CACHD1: variants seen among roughly 807,000 people sequenced by gnomAD.
The protein encoded by CACHD1 is cache domain containing 1.
CACHD1 carries 71 observed loss-of-function variants against 138.7 expected under a neutral mutation model. The ratio of observed to expected loss-of-function variants is 0.51; its 90% confidence interval spans 0.42 to 0.62. The LOEUF is 0.62. Among genes scored for constraint, CACHD1 ranks in the 20% least tolerant of loss-of-function variants. The pLI is 0.00. For synonymous variants in CACHD1, 578 were observed against 591.5 expected (o/e 0.98, Z 0.33); for missense variants, 1,389 against 1,625.3 (o/e 0.85, Z 2.50).
chr1:64,675,339 C>T, intron 19 of CACHD1, 62 bp from the exon 20 acceptor site: 1 of 1,333,878 alleles, frequency 7.5e-7, no homozygotes. Flanking sequence ...TTGTTTTCAC[C>T]AAGGTAGGGC....
At chr1:64,519,366 C>G (rs1389546255) in intron 1 of CACHD1, among the ~76,000 whole-genome samples, 1 of 152,120 alleles carries the variant, frequency 6.6e-6, no homozygotes, top group Non-Finnish European at 1.5e-5. Flanking sequence ...AGAGGCACAA[C>G]AGATACCATA....
At chr1:64,642,459 T>G (rs1648750261) in intron 8 of CACHD1, among the ~76,000 whole-genome samples, 1 of 152,194 alleles carries the variant, frequency 6.6e-6, no homozygotes, top group African/African-American at 2.4e-5. Context: ...AAGCATTATC[T>G]ACCTTGCAGT....
chr1:64,612,188 A>G lies in CACHD1; in HGVS notation c.517+9276A>G, dbSNP rs1647557461. Among the ~76,000 whole-genome samples, 3 of 152,250 alleles carry G rather than the reference A, an allele frequency of 2.0e-5. No homozygotes were observed. The South Asian group carries it at 6.2e-4, about 32-fold the overall frequency. ...TTCAAGATGAGGTTTGGGTGGGGAC[A>G]CAGAGCCAAAACCTATCATGAACCA... is the stretch of plus-strand genomic sequence containing the variant. On this transcript the variant is annotated intron_variant, in intron 4 of 26. Transcript: ENST00000651257.
intron 2 of CACHD1, among the ~76,000 whole-genome samples, chr1:64,556,704 CAG>C (rs1646799834): frequency 6.6e-6 from 1 of 152,218 alleles, no homozygotes; most frequent in Admixed American, 6.5e-5. Flanking sequence ...AACTAACCTT[CAG>C]AGAGTGTGGG....
intron 8 of CACHD1, among the ~76,000 whole-genome samples, chr1:64,644,023 A>G (rs1438757582): frequency 6.6e-6 from 1 of 152,222 alleles, no homozygotes; most frequent in African/African-American, 2.4e-5. Flanking sequence ...TAAGGTGCTC[A>G]CATACTGTCC....
chr1:64,471,928 G>A (rs1646147912), intron 1 of CACHD1, among the ~76,000 whole-genome samples: 1 of 152,082 alleles, frequency 6.6e-6, no homozygotes, highest in Non-Finnish European at 1.5e-5. Context: ...GGCCATAAAG[G>A]CCCACTAGAT....
intron 17 of CACHD1, among the ~76,000 whole-genome samples, chr1:64,672,881 G>T (rs551734778): frequency 6.6e-6 from 1 of 152,002 alleles, no homozygotes; most frequent in Admixed American, 6.6e-5. Context: ...CATCTTACTC[G>T]GACTGGGTGA....
intron 9 of CACHD1, among the ~76,000 whole-genome samples, chr1:64,651,146 A>G (rs1031782789): frequency 6.6e-6 from 1 of 152,060 alleles, no homozygotes; most frequent in African/African-American, 2.4e-5. Flanking sequence ...TATTTTGAAA[A>G]GGTTATTTTT....
At chr1:64,604,678 A>G (rs541725581) in intron 4 of CACHD1, among the ~76,000 whole-genome samples, 1 of 152,226 alleles carries the variant, frequency 6.6e-6, no homozygotes, top group African/African-American at 2.4e-5. Context: ...TTTGAGATAG[A>G]GTCTTGCTAT....
chr1:64,664,310 T>A (rs1649553185), intron 14 of CACHD1, 188 bp from the exon 15 acceptor site: 1 of 605,416 alleles, frequency 1.7e-6, no homozygotes, highest in South Asian at 2.1e-5. Context: ...ATCACGCATC[T>A]GCTGACTGTA....
intron 1 of CACHD1, among the ~76,000 whole-genome samples, chr1:64,505,281 G>A (rs1032660480): frequency 6.6e-6 from 1 of 152,044 alleles, no homozygotes. Context: ...GGGAGCCCCT[G>A]TACTGGTACC....
chr1:64,502,284 T>A (rs909025894), intron 1 of CACHD1, among the ~76,000 whole-genome samples: 1 of 152,196 alleles, frequency 6.6e-6, no homozygotes, highest in African/African-American at 2.4e-5. Flanking sequence ...TAAAATTGAT[T>A]TGTTGTATTG....
intron 2 of CACHD1, among the ~76,000 whole-genome samples, chr1:64,579,048 G>A (rs989450532): frequency 3.3e-5 from 5 of 152,106 alleles, no homozygotes; most frequent in African/African-American, 1.2e-4. Context: ...AATTAGGGCC[G>A]CTGGCTTCTA....
intron 19 of CACHD1, among the ~76,000 whole-genome samples, chr1:64,674,076 A>G (rs1037683825): frequency 1.3e-3 from 72 of 53,616 alleles, no homozygotes; most frequent in African/African-American, 2.7e-3. Flanking sequence ...AGCTATTTAC[A>G]GGAAGTAGGT....
intron 1 of CACHD1, among the ~76,000 whole-genome samples, chr1:64,545,746 C>T (rs1423984402): frequency 6.6e-6 from 1 of 152,156 alleles, no homozygotes; most frequent in Non-Finnish European, 1.5e-5. Flanking sequence ...ATTGCTGAGT[C>T]ATAAATATCC....
chr1:64,609,476 A>G (rs1157554241), intron 4 of CACHD1, among the ~76,000 whole-genome samples: 4 of 152,228 alleles, frequency 2.6e-5, no homozygotes, highest in Admixed American at 6.5e-5. Context: ...ACTTATGTAT[A>G]TGCATACACA....
chr1:64,599,256 A>T (rs1222328116), intron 3 of CACHD1, among the ~76,000 whole-genome samples: 2 of 152,208 alleles, frequency 1.3e-5, no homozygotes, highest in African/African-American at 2.4e-5. Context: ...TATAAGCAGA[A>T]TCTTAAAAAA....
At chr1:64,547,447 C>A (rs1646726348) in intron 1 of CACHD1, among the ~76,000 whole-genome samples, 1 of 152,170 alleles carries the variant, frequency 6.6e-6, no homozygotes, top group Non-Finnish European at 1.5e-5. Context: ...CTCACTGCAA[C>A]CTCTGCCTCC....
chr1:64,684,975 A>T (rs1005982516), intron 26 of CACHD1, among the ~76,000 whole-genome samples: 2 of 151,998 alleles, frequency 1.3e-5, no homozygotes, highest in African/African-American at 4.8e-5. Flanking sequence ...ATGCCCGGCT[A>T]ATTTTGTATT....
Sources: gnomAD v4.1 joint callset for allele counts (sites outside exome capture counted in the v4.1 genomes callset) on GRCh38, gnomAD v4.1.1 for gene constraint, MANE v1.5 for transcripts, NCBI Gene and HGNC (gene_info 2026-07-23, HGNC 2026-07-21) for gene names.